The following USP20 variants were observed in gnomAD, a reference collection of about 807,000 sequenced individuals.
USP20 encodes ubiquitin specific peptidase 20, also known as ubiquitin carboxyl-terminal hydrolase 20.
In USP20, 80 loss-of-function variants were observed where a neutral mutation model predicts 124.2. The ratio of observed to expected loss-of-function variants is 0.64; its 90% CI spans 0.54 to 0.78. The LOEUF (loss-of-function observed/expected upper bound fraction) is 0.78, where lower values mean the gene tolerates loss of function less well. USP20 is among the 30% of genes least tolerant of loss of function. The probability of loss-of-function intolerance (pLI) is 0.00; values close to 1 mark genes in which losing one functional copy is unlikely to be tolerated. For synonymous variants in USP20, 481 were observed against 512.3 expected, an observed-to-expected ratio of 0.94 and a Z score of 0.83; for missense variants, 1,043 against 1,244.4, an observed-to-expected ratio of 0.84 and a Z score of 2.44.
chr9:129,839,606 T>A lies in USP20; in HGVS notation c.-129+4107T>A, dbSNP rs2032077084. Among the ~76,000 whole-genome samples, 1 of 146,756 alleles carries A rather than the reference T, an allele frequency of 6.8e-6. No individual in the cohort carries two copies. Among genetic ancestry groups the A allele is most frequent in the African/African-American group, 2.5e-5 (1 of 39,298 alleles). ...GGGCCAGAGGGGACTGTGGAGGGGGTGGGCACACACCCTGTGCGGGGCTGG... is the reference window on the plus strand; with the variant it reads ...GGGCCAGAGGGGACTGTGGAGGGGGAGGGCACACACCCTGTGCGGGGCTGG... On this transcript the variant is annotated intron_variant, in intron 1 of 25. Transcript: ENST00000372429. The surrounding 1 kb of genome is among the most constrained non-coding windows in gnomAD (Gnocchi z 4.5).
intron 10 of USP20, among the ~76,000 whole-genome samples, chr9:129,865,994 A>G (rs963175443): frequency 6.6e-6 from 1 of 152,240 alleles, no homozygotes; most frequent in African/African-American, 2.4e-5. Flanking sequence ...TTTGAAACCA[A>G]TCACATTTTT....
chr9:129,841,749 C>T (rs1486337093), intron 1 of USP20, among the ~76,000 whole-genome samples: 1 of 152,188 alleles, frequency 6.6e-6, no homozygotes, highest in Non-Finnish European at 1.5e-5. Context: ...ATGAAGTTGC[C>T]TTTCCTGGCT....
chr9:129,862,647 T>G (rs921064125), intron 8 of USP20, among the ~76,000 whole-genome samples: 2 of 152,066 alleles, frequency 1.3e-5, no homozygotes, highest in African/African-American at 4.8e-5. Flanking sequence ...GGCTTACGCC[T>G]GTAATCCCAG....
rs779665738 is a variant in USP20 at position 129,868,054 on chromosome 9, T to C, written c.740T>C (p.Leu247Pro). The C allele has an allele frequency of 2.5e-6, 4 of 1,613,930 alleles. No homozygotes were observed. In the Admixed American group the frequency reaches 5.0e-5, roughly 20 times the overall value. ...CTGATGGACCAGCTGCACGAGGAGC[T>C]CAAGGAGCCGGTGGTGGCCACGGTG... Reference protein sequence around the residue: ...RCLMDQLHEELKEPVVATVAL... With the variant: ...RCLMDQLHEEPKEPVVATVAL... The change falls in exon 11 of 26, where the codon CTC (leucine) becomes CCC (proline). Residue 247 changes from leucine (L) to proline (P), a missense_variant. Coordinates refer to ENST00000372429, the MANE Select transcript of USP20 (RefSeq NM_001110303.4).
In USP20 at chr9:129,838,230, C is replaced by A. The variant is rs994678531; in HGVS notation, c.-129+2731C>A. Among the ~76,000 whole-genome samples, 4 of 152,030 alleles carry A rather than the reference C, an allele frequency of 2.6e-5. 1 individual carries two copies. The highest frequency in any genetic ancestry group is 9.6e-5 in the African/African-American group (4 of 41,466). The stretch of plus-strand genomic sequence containing the variant: ...CTAATTTATGTATTTTTAGTAGAGA[C>A]GGGGTTTCACCATGTTGGCCAGGCT... On this transcript the variant is annotated intron_variant, in intron 1 of 25. Coordinates refer to ENST00000372429, the MANE Select transcript of USP20 (RefSeq NM_001110303.4).
At chr9:129,876,581 G>T (rs888729211) in intron 22 of USP20, among the ~76,000 whole-genome samples, 5 of 150,804 alleles carry the variant, frequency 3.3e-5, no homozygotes, top group African/African-American at 1.2e-4. Flanking sequence ...GGAGGTTTCA[G>T]TGAGCTGAGA....
Position 129,850,820 on chromosome 9 carries a change from A to G in USP20, c.-17+896A>G, listed in dbSNP as rs571044479. Among the ~76,000 whole-genome samples, 4 of 152,002 alleles carry G rather than the reference A, an allele frequency of 2.6e-5. No individual in the cohort carries two copies. The South Asian group carries it at 6.2e-4, about 24-fold the overall frequency. On this transcript the variant is annotated intron_variant, in intron 2 of 25. Coordinates refer to ENST00000372429, the MANE Select transcript of USP20 (RefSeq NM_001110303.4). ...ATAGGCTTGTGCATCATGCCCGGCT[A>G]ATTTTGTATTTTTAGTAGAGACGGG...
intron 2 of USP20, among the ~76,000 whole-genome samples, chr9:129,851,258 CTTTTT>C (rs35791819): frequency 1.6e-5 from 2 of 126,242 alleles, no homozygotes. Flanking sequence ...ATAACACATA[CTTTTT>C]TTTTTTTTTT....
intron 11 of USP20, 118 bp downstream of exon 11, chr9:129,868,567 A>G (rs1171752893): frequency 1.5e-5 from 21 of 1,444,914 alleles, no homozygotes; most frequent in Non-Finnish European, 1.9e-5. Flanking sequence ...GACCCGAATG[A>G]CAGTGGGGAA....
At chr9:129,866,213 G>A (rs1272480619) in intron 10 of USP20, among the ~76,000 whole-genome samples, 1 of 42,408 alleles carries the variant, frequency 2.4e-5, no homozygotes, top group Admixed American at 3.1e-4. Flanking sequence ...GTCATGTGGG[G>A]ACAACTTCCG....
intron 17 of USP20, 149 bp from the exon 18 acceptor site, chr9:129,874,427 G>A (rs980487657): frequency 2.0e-6 from 2 of 1,010,572 alleles, no homozygotes; most frequent in Non-Finnish European, 2.9e-6. Flanking sequence ...CTTAGAGCGA[G>A]CCCAGTCTGG....
chr9:129,864,907 G>A (rs974549307), intron 9 of USP20, among the ~76,000 whole-genome samples: 1 of 152,130 alleles, frequency 6.6e-6, no homozygotes, highest in South Asian at 2.1e-4. Flanking sequence ...CTAATGGTAA[G>A]TATCTGGTGC....
chr9:129,876,320 G>A, intron 22 of USP20, 82 bp downstream of exon 22: 1 of 1,216,372 alleles, frequency 8.2e-7, no homozygotes, highest in African/African-American at 1.5e-5. Flanking sequence ...GAAGAATCCT[G>A]TGCAGTCCCT....
At chr9:129,875,010 C>T in intron 19 of USP20, 55 bp downstream of exon 19, 2 of 1,593,658 alleles carry the variant, frequency 1.3e-6, no homozygotes, top group Admixed American at 1.7e-5. Flanking sequence ...TCCCCTGGGA[C>T]CCATGGGCCT....
rs552439947 is a variant in USP20, at chr9:129,843,597, C to T, written c.-128-6216C>T. 1.4e-4 allele frequency among the ~76,000 whole-genome samples: 21 copies of T among 150,276 alleles called. 1 individual carries two copies. The South Asian group carries it at 3.0e-3, about 21-fold the overall frequency. ...TAAAAATCCAAAAAGATTAGCTGGG[C>T]GTGGTGGTGTGTGCTTGTAATCCCA... is the stretch of plus-strand genomic sequence containing the variant. On this transcript the variant is annotated intron_variant, in intron 1 of 25. Transcript: ENST00000372429.
intron 16 of USP20, 91 bp downstream of exon 16, chr9:129,873,606 C>T: frequency 6.2e-7 from 1 of 1,613,502 alleles, no homozygotes; most frequent in Non-Finnish European, 8.5e-7. Flanking sequence ...CCCTATAATC[C>T]TGCCTTCCCA....
At chr9:129,852,093 T>C (rs151177908) in intron 2 of USP20, among the ~76,000 whole-genome samples, 24 of 152,308 alleles carry the variant, frequency 1.6e-4, no homozygotes, top group Admixed American at 7.8e-4. Flanking sequence ...GCTGCTTGCC[T>C]TTTTGAAACC....
chr9:129,841,106 T>C (rs1202769567), intron 1 of USP20, among the ~76,000 whole-genome samples: 1 of 152,216 alleles, frequency 6.6e-6, no homozygotes, highest in Non-Finnish European at 1.5e-5. Context: ...ATGTATTTGT[T>C]TCCCAGACCT....
At chr9:129,861,291 T>G (rs1279336787) in intron 7 of USP20, among the ~76,000 whole-genome samples, 1 of 152,194 alleles carries the variant, frequency 6.6e-6, no homozygotes, top group African/African-American at 2.4e-5. Flanking sequence ...CTGTATGGTC[T>G]GGACAGTGGG....
Sources: allele counts gnomAD v4.1 joint callset (sites outside exome capture counted in the v4.1 genomes callset), GRCh38; gene constraint gnomAD v4.1.1; non-coding constraint Gnocchi (gnomAD v3.1); transcripts MANE v1.5; gene names NCBI Gene and HGNC (gene_info 2026-07-23, HGNC 2026-07-21).